SERPINB7: variants seen among roughly 807,000 people sequenced by gnomAD.
The protein encoded by SERPINB7 is serpin B7.
A neutral mutation model predicts 37.4 loss-of-function variants in SERPINB7; 31 were observed. That is an observed-to-expected ratio of 0.83 (90% CI 0.62 to 1.12). SERPINB7 has a LOEUF of 1.12. Among genes scored for constraint, SERPINB7 ranks in the 50% most tolerant of loss-of-function variants. The pLI is 0.00. For missense variants in SERPINB7, 521 were observed against 455.3 expected (o/e 1.14, Z -1.31); for synonymous variants, 163 against 166.1 (o/e 0.98, Z 0.14).
At chr18:63,803,145 TCTGA>T (rs1280819643) in intron 7 of SERPINB7, among the ~76,000 whole-genome samples, 1 of 152,186 alleles carries the variant, frequency 6.6e-6, no homozygotes, top group Non-Finnish European at 1.5e-5. Flanking sequence ...AATGTTTGAA[TCTGA>T]CTATTATAAA....
At chr18:63,781,722 A>G (rs76359157) in intron 1 of SERPINB7, among the ~76,000 whole-genome samples, 152 of 152,326 alleles carry the variant, frequency 1.0e-3, no homozygotes, top group Admixed American at 2.0e-3. Flanking sequence ...TATGTGTTGA[A>G]AAGTCTTGTA....
At chr18:63,783,279 A>G (rs145176796) in intron 2 of SERPINB7, among the ~76,000 whole-genome samples, 57 of 144,544 alleles carry the variant, frequency 3.9e-4, no homozygotes, top group South Asian at 6.7e-4. Context: ...AGAAAGAAAG[A>G]AAGAAAGAAA....
intron 1 of SERPINB7, among the ~76,000 whole-genome samples, chr18:63,760,058 T>C (rs1189998920): frequency 1.3e-5 from 2 of 152,092 alleles, no homozygotes; most frequent in African/African-American, 4.8e-5. Context: ...GAGGTTGGAA[T>C]AGTTTGGAGG....
chr18:63,773,761 T>G (rs1337219249), upstream of SERPINB7, among the ~76,000 whole-genome samples: 1 of 152,166 alleles, frequency 6.6e-6, no homozygotes, highest in Non-Finnish European at 1.5e-5. Context: ...ATGACTGCTT[T>G]CTTCTCATAC....
At chr18:63,804,105 A>C (rs1364556644) in intron 7 of SERPINB7, 132 bp from the exon 8 acceptor site, 1 of 653,556 alleles carries the variant, frequency 1.5e-6, no homozygotes, top group Non-Finnish European at 2.5e-6. Context: ...AAGACTGCCC[A>C]AGACACATTC....
At position 63,804,269 on chromosome 18, in the gene SERPINB7, G is replaced by A; in HGVS notation, c.777G>A (p.Met259Ile). 6.3e-7 allele frequency: 1 copy of A among 1,582,226 alleles called. No individual in the cohort carries two copies. Among genetic ancestry groups the A allele is most frequent in the Non-Finnish European group, 8.6e-7 (1 of 1,168,814 alleles). ...IENKLTFQNL[M>I]EWTNPRRMTS... is the part of the protein sequence containing the mutation. ...ACAAACTGACCTTTCAGAATCTAAT[G>A]GAATGGACCAATCCAAGGCGAATGA... Residue 259 changes from methionine to isoleucine, a missense_variant, in exon 8 of 8, where the codon ATG becomes ATA. Coordinates refer to ENST00000398019, the MANE Select transcript of SERPINB7 (RefSeq NM_003784.4).
At chr18:63,767,320 A>T (rs1278919232) in intron 1 of SERPINB7, among the ~76,000 whole-genome samples, 1 of 152,170 alleles carries the variant, frequency 6.6e-6, no homozygotes, top group Non-Finnish European at 1.5e-5. Context: ...GCTAAGTTAA[A>T]TAAATAAATG....
At chr18:63,795,947 T>G (rs2049483342) in intron 4 of SERPINB7, among the ~76,000 whole-genome samples, 1 of 152,198 alleles carries the variant, frequency 6.6e-6, no homozygotes, top group Non-Finnish European at 1.5e-5. Flanking sequence ...CAAGGGAGAC[T>G]GGTTAGGAGG....
rs570389436 is a variant in SERPINB7, at chr18:63,793,357, G to A, written c.336+80G>A. 100 of 695,898 alleles carry A rather than the reference G, an allele frequency of 1.4e-4. No homozygotes were observed. In the Middle Eastern group the frequency reaches 4.8e-3, roughly 33 times the overall value. 43.1% of individuals were successfully genotyped at this position (695,898 alleles called of 1,614,324 possible). A position where few individuals can be genotyped will look rare whatever the true frequency, so the allele number is the denominator to read the frequency against. On this transcript the variant is annotated intron_variant, in intron 4 of 7. Transcript: ENST00000398019. Reference sequence around the variant, plus strand: ...GAACAAAGGCTTGTGTCTTTCTACTGAGCAATACAAAGATGGTTTTGTTTC... The same window carrying A: ...GAACAAAGGCTTGTGTCTTTCTACTAAGCAATACAAAGATGGTTTTGTTTC...
Position 63,804,296 on chromosome 18 carries a change from C to G in SERPINB7, c.804C>G (p.Thr268=). 6.2e-7 allele frequency: 1 copy of G among 1,610,346 alleles called. No individual in the cohort carries two copies. Among genetic ancestry groups the G allele is most frequent in the East Asian group, 2.2e-5 (1 of 44,870 alleles). Residue 268 remains threonine (T), a synonymous_variant, in exon 8 of 8, where the codon ACC becomes ACG. Coordinates refer to ENST00000398019, the MANE Select transcript of SERPINB7 (RefSeq NM_003784.4). The part of the protein sequence containing the change: ...LMEWTNPRRM[T]SKYVEVFFPQ... ...AATGGACCAATCCAAGGCGAATGAC[C>G]TCTAAGTATGTTGAGGTATTTTTTC...
rs192628658 is a variant in SERPINB7 at position 63,805,178 on chromosome 18, C to A, written c.*543C>A. 1 of 152,440 alleles carries A rather than the reference C, an allele frequency of 6.6e-6. No individual in the cohort carries two copies. The highest frequency in any genetic ancestry group is 1.9e-4 in the East Asian group (1 of 5,178). 9.4% of individuals were successfully genotyped at this position (152,440 alleles called of 1,614,324 possible). ...AAAATGTGAAATTGGGATTAGGGAC[C>A]AACCAAAATATTTCATTAATGCTTT... On this transcript the variant is annotated 3_prime_UTR_variant, in exon 8 of 8. Transcript: ENST00000398019.
chr18:63,804,723 G>T lies in SERPINB7; in HGVS notation c.*88G>T. On this transcript the variant is annotated 3_prime_UTR_variant, in exon 8 of 8. Transcript: ENST00000398019. ...GATTTGAGTTTAATTGGAAAAATGT[G>T]GTGTTTCCTTTGAGTTTATTTCTTC... The T allele has an allele frequency of 3.7e-6, 5 of 1,359,006 alleles. No homozygotes were observed. Among genetic ancestry groups the T allele is most frequent in the South Asian group, 1.4e-5 (1 of 71,000 alleles). 84.2% of individuals were successfully genotyped at this position (1,359,006 alleles called of 1,614,324 possible).
chr18:63,785,857 CACAAG>C (rs1847983229), intron 2 of SERPINB7, among the ~76,000 whole-genome samples: 1 of 147,744 alleles, frequency 6.8e-6, no homozygotes, highest in South Asian at 2.1e-4. Context: ...TCTCTTCTCT[CACAAG>C]ACATTTCCAT....
At chr18:63,764,651 CA>C (rs59398905) in intron 1 of SERPINB7, among the ~76,000 whole-genome samples, 16 of 151,380 alleles carry the variant, frequency 1.1e-4, no homozygotes, top group Non-Finnish European at 1.5e-4. Flanking sequence ...TTTTAATTGG[CA>C]AAAAAAATGG....
chr18:63,753,272 C>T (rs537245304), intron 1 of SERPINB7, among the ~76,000 whole-genome samples: 2 of 152,312 alleles, frequency 1.3e-5, no homozygotes, highest in Admixed American at 1.3e-4. Context: ...GGGATTCTGG[C>T]AGACACATAC....
At chr18:63,798,999 G>A (rs2049519375) in intron 6 of SERPINB7, among the ~76,000 whole-genome samples, 1 of 152,040 alleles carries the variant, frequency 6.6e-6, no homozygotes, top group Non-Finnish European at 1.5e-5. Flanking sequence ...TGAAAGAAGT[G>A]GTATGAATGT....
At chr18:63,777,618 A>G (rs1340667457) in intron 1 of SERPINB7, among the ~76,000 whole-genome samples, 1 of 152,116 alleles carries the variant, frequency 6.6e-6, no homozygotes, top group East Asian at 1.9e-4. Context: ...AATTAGAGCT[A>G]TAGCTAATAT....
intron 5 of SERPINB7, among the ~76,000 whole-genome samples, chr18:63,797,836 A>G (rs1312433159): frequency 2.0e-5 from 3 of 152,188 alleles, no homozygotes; most frequent in Non-Finnish European, 4.4e-5. Context: ...CCTTGCTTCC[A>G]ATCTTGCCAA....
intron 1 of SERPINB7, among the ~76,000 whole-genome samples, chr18:63,762,561 T>C (rs1219932550): frequency 1.3e-5 from 2 of 152,218 alleles, no homozygotes; most frequent in Non-Finnish European, 1.5e-5. Context: ...GGATTCTAGC[T>C]GCAGGCACAG....
Sources: gnomAD v4.1 joint callset for allele counts (sites outside exome capture counted in the v4.1 genomes callset) on GRCh38, gnomAD v4.1.1 for gene constraint, MANE v1.5 for transcripts, NCBI Gene and HGNC (gene_info 2026-07-23, HGNC 2026-07-21) for gene names.